PTPRO: variants seen among roughly 807,000 people sequenced by gnomAD.
The protein encoded by PTPRO is protein tyrosine phosphatase receptor type O.
A neutral mutation model predicts 145.2 loss-of-function variants in PTPRO; 62 were observed. That is an observed-to-expected ratio of 0.43 (90% CI 0.35 to 0.53). PTPRO has a LOEUF of 0.53. Among genes scored for constraint, PTPRO ranks in the 20% least tolerant of loss-of-function variants. PTPRO has a pLI of 0.01. For missense variants in PTPRO, 1,345 were observed against 1,482.7 expected (o/e 0.91, Z 1.53); for synonymous variants, 565 against 514.7 (o/e 1.10, Z -1.32).
chr12:15,577,653 G>A (rs1944215831), intron 19 of PTPRO, among the ~76,000 whole-genome samples: 1 of 152,170 alleles, frequency 6.6e-6, no homozygotes, highest in Non-Finnish European at 1.5e-5. Flanking sequence ...TTTATAACAA[G>A]TGATTTTTGC....
intron 12 of PTPRO, among the ~76,000 whole-genome samples, chr12:15,536,175 C>T (rs61910078): frequency 0.011 from 1,686 of 152,134 alleles, 24 homozygotes; most frequent in Non-Finnish European, 0.013. Flanking sequence ...AACCCTCATT[C>T]TAATGGAGAA....
At chr12:15,374,395 G>C (rs1298146815) in intron 1 of PTPRO, among the ~76,000 whole-genome samples, 1 of 146,662 alleles carries the variant, frequency 6.8e-6, no homozygotes, top group Non-Finnish European at 1.5e-5. Context: ...AACAATTTGA[G>C]GAGTGTTTTA....
At chr12:15,560,473 C>T (rs1262585388) in intron 17 of PTPRO, among the ~76,000 whole-genome samples, 197 bp downstream of exon 17, 1 of 151,864 alleles carries the variant, frequency 6.6e-6, no homozygotes, top group Non-Finnish European at 1.5e-5. Flanking sequence ...AATTTTTTTC[C>T]GTGATGTTGT....
chr12:15,537,380 A>G (rs140911752), intron 12 of PTPRO, among the ~76,000 whole-genome samples: 1 of 152,340 alleles, frequency 6.6e-6, no homozygotes, highest in East Asian at 1.9e-4. Flanking sequence ...AGTAAAAACC[A>G]GCAAAAGAGA....
intron 19 of PTPRO, among the ~76,000 whole-genome samples, chr12:15,570,361 A>T: frequency 6.6e-6 from 1 of 151,250 alleles, no homozygotes; most frequent in East Asian, 1.9e-4. Context: ...GCTCTTTTCT[A>T]TTAAGGTAGC....
At position 15,556,856 on chromosome 12, in the gene PTPRO, A is replaced by G. The variant is rs77873623; in HGVS notation, c.2559-599A>G. Among the ~76,000 whole-genome samples, 208 of 152,312 alleles carry G rather than the reference A, an allele frequency of 1.4e-3. 2 individuals carry two copies. The East Asian group carries it at 0.038, about 28-fold the overall frequency. ...AAATATTATACCCCAAATAGTTCAA[A>G]TATTTCTTTTAGAATCATGAATGCC... On this transcript the variant is annotated intron_variant, in intron 15 of 26. Coordinates refer to ENST00000281171, the MANE Select transcript of PTPRO (RefSeq NM_030667.3).
intron 1 of PTPRO, among the ~76,000 whole-genome samples, chr12:15,402,313 G>T (rs1228003477): frequency 6.6e-6 from 1 of 151,998 alleles, no homozygotes; most frequent in Non-Finnish European, 1.5e-5. Flanking sequence ...CCTTGAACCT[G>T]GGAGGCAGAG....
intron 1 of PTPRO, among the ~76,000 whole-genome samples, chr12:15,462,379 G>C (rs1941324982): frequency 6.6e-6 from 1 of 152,146 alleles, no homozygotes; most frequent in South Asian, 2.1e-4. Context: ...ACCCGCCTCG[G>C]CCTCCCAAAG....
At chr12:15,383,461 A>G (rs564461510) in intron 1 of PTPRO, among the ~76,000 whole-genome samples, 1 of 152,340 alleles carries the variant, frequency 6.6e-6, no homozygotes, top group South Asian at 2.1e-4. Context: ...TTTTATCAAC[A>G]TAAATGACTT....
chr12:15,523,851 G>A (rs574120706), intron 10 of PTPRO, among the ~76,000 whole-genome samples: 3 of 151,834 alleles, frequency 2.0e-5, no homozygotes, highest in African/African-American at 7.2e-5. Context: ...AGGCTGGAAT[G>A]CAGTGGCAGG....
chr12:15,592,183 G>A, intron 25 of PTPRO, among the ~76,000 whole-genome samples: 1 of 151,970 alleles, frequency 6.6e-6, no homozygotes, highest in South Asian at 2.1e-4. Context: ...TTTGAATACA[G>A]ATTGATCTGC....
intron 17 of PTPRO, among the ~76,000 whole-genome samples, chr12:15,560,879 G>A (rs1470432067): frequency 6.6e-6 from 1 of 152,054 alleles, no homozygotes; most frequent in African/African-American, 2.4e-5. Context: ...ACAGAATCCA[G>A]GTTCCAAACT....
chr12:15,559,734 G>A (rs751525874), intron 16 of PTPRO, among the ~76,000 whole-genome samples: 3 of 152,106 alleles, frequency 2.0e-5, no homozygotes, highest in East Asian at 1.9e-4. Flanking sequence ...AGTCTTCACC[G>A]GAATCAGTAT....
chr12:15,586,573 T>G (rs914801145), intron 23 of PTPRO, among the ~76,000 whole-genome samples: 1 of 152,302 alleles, frequency 6.6e-6, no homozygotes, highest in East Asian at 1.9e-4. Flanking sequence ...CAACAGCACT[T>G]TCTACAGTGT....
Position 15,596,274 on chromosome 12 carries a change from C to A in PTPRO, c.*201C>A, listed in dbSNP as rs1313738298. 6.6e-6 allele frequency: 1 copy of A among 152,560 alleles called. No individual in the cohort carries two copies. The highest frequency in any genetic ancestry group is 2.4e-5 in the African/African-American group (1 of 41,408). The allele number at this position is 152,560 out of a possible 1,614,324, so 9.5% of individuals were successfully genotyped here. ...AGTGTCCTTTTGGACTCTTTCACTT[C>A]GGGACATTTAATAATGGACCAAATT... On this transcript the variant is annotated 3_prime_UTR_variant, in exon 27 of 27. Coordinates refer to ENST00000281171, the MANE Select transcript of PTPRO (RefSeq NM_030667.3).
At chr12:15,439,821 C>T (rs565320293) in intron 1 of PTPRO, 97 of 612,238 alleles carry the variant, frequency 1.6e-4, no homozygotes, top group Non-Finnish European at 2.3e-4. Context: ...TTCTTGGGGG[C>T]CTCTCTCAAG....
intron 1 of PTPRO, among the ~76,000 whole-genome samples, chr12:15,413,012 C>T (rs1299601961): frequency 6.6e-6 from 1 of 152,042 alleles, no homozygotes; most frequent in African/African-American, 2.4e-5. Flanking sequence ...AGGCTGGTCT[C>T]GACCTCCTGA....
intron 1 of PTPRO, among the ~76,000 whole-genome samples, chr12:15,415,000 A>G (rs1939907467): frequency 6.6e-6 from 1 of 152,218 alleles, no homozygotes; most frequent in Non-Finnish European, 1.5e-5. Flanking sequence ...AATAAGCTCA[A>G]AAATGAACTC....
chr12:15,540,275 G>T (rs1013346897), intron 12 of PTPRO, among the ~76,000 whole-genome samples: 3 of 152,150 alleles, frequency 2.0e-5, no homozygotes, highest in Admixed American at 6.5e-5. Flanking sequence ...ACATAGAGTT[G>T]CTTGAGTTGA....
Sources: allele counts gnomAD v4.1 joint callset (sites outside exome capture counted in the v4.1 genomes callset), GRCh38; gene constraint gnomAD v4.1.1; transcripts MANE v1.5; gene names NCBI Gene and HGNC (gene_info 2026-07-23, HGNC 2026-07-21).